Variants in BTBD3 observed in about 807,000 individuals in gnomAD.
The protein encoded by BTBD3 is BTB domain containing 3.
A neutral mutation model predicts 41.6 loss-of-function variants in BTBD3; 14 were observed. The ratio of observed to expected loss-of-function variants is 0.34; its 90% confidence interval spans 0.22 to 0.53. BTBD3 has a LOEUF of 0.53. Among genes scored for constraint, BTBD3 ranks in the 20% least tolerant of loss-of-function variants. The pLI is 0.95. For missense variants in BTBD3, 426 were observed against 654.7 expected (o/e 0.65, Z 3.81); for synonymous variants, 249 against 233.7 (o/e 1.07, Z -0.60).
intron 1 of BTBD3, among the ~76,000 whole-genome samples, chr20:11,904,285 C>T (rs570923214): frequency 8.5e-5 from 13 of 152,196 alleles, no homozygotes; most frequent in African/African-American, 2.2e-4. Context: ...CATCTTCACG[C>T]GCTGGCAGGA....
At chr20:11,902,139 A>G (rs1334672027) in intron 1 of BTBD3, among the ~76,000 whole-genome samples, 2 of 152,014 alleles carry the variant, frequency 1.3e-5, no homozygotes, top group Non-Finnish European at 2.9e-5. Context: ...CAGAAGCTTT[A>G]TTGAGAACAT....
rs1033805086 is a variant in BTBD3, at chr20:11,924,555, A to C, written c.*889A>C. On this transcript the variant is annotated 3_prime_UTR_variant, in exon 4 of 4. Coordinates refer to ENST00000378226, the MANE Select transcript of BTBD3 (RefSeq NM_014962.4). The stretch of plus-strand genomic sequence containing the variant: ...AACTCTTCTCTCCACTTAGCTTTTG[A>C]TCCCCACTGTTTGCTTATTTGTATA... The C allele has an allele frequency of 6.6e-6, 1 of 152,618 alleles. No homozygotes were observed. Among genetic ancestry groups the C allele is most frequent in the Non-Finnish European group, 1.5e-5 (1 of 68,024 alleles). 9.5% of individuals were successfully genotyped at this position (152,618 alleles called of 1,614,324 possible).
rs2056993153 is a variant in BTBD3 at position 11,923,773 on chromosome 20, T to C, written c.*107T>C. ...TGTGATCAGTGCCGGTAATTTGTAATGAATGAAGCGGTAGGCAGGTTCTAA... is the reference window on the plus strand; with the variant it reads ...TGTGATCAGTGCCGGTAATTTGTAACGAATGAAGCGGTAGGCAGGTTCTAA... On this transcript the variant is annotated 3_prime_UTR_variant, in exon 4 of 4. Coordinates refer to ENST00000378226, the MANE Select transcript of BTBD3 (RefSeq NM_014962.4). This position sits in a 1 kb window ranked among gnomAD's most constrained non-coding sequence, Gnocchi z 5.3. The C allele has an allele frequency of 4.5e-6, 5 of 1,113,676 alleles. No individual in the cohort carries two copies. Among genetic ancestry groups the C allele is most frequent in the Middle Eastern group, 3.0e-4 (1 of 3,316 alleles). The allele number at this position is 1,113,676 out of a possible 1,614,324, so 69.0% of individuals were successfully genotyped here.
intron 1 of BTBD3, among the ~76,000 whole-genome samples, chr20:11,901,606 C>T (rs570164017): frequency 2.0e-5 from 3 of 152,240 alleles, no homozygotes; most frequent in Admixed American, 1.3e-4. Flanking sequence ...GGGATCAGCT[C>T]ACGCGTACTT....
At chr20:11,892,689 TAACA>T (rs1163410755) in intron 1 of BTBD3, 5 of 152,238 alleles carry the variant, frequency 3.3e-5, no homozygotes, top group African/African-American at 4.8e-5. Context: ...ATAACTTGTT[TAACA>T]AACTTCCAAA....
intron 1 of BTBD3, among the ~76,000 whole-genome samples, chr20:11,904,929 G>T (rs1470467350): frequency 6.6e-6 from 1 of 152,176 alleles, no homozygotes; most frequent in Admixed American, 6.5e-5. Flanking sequence ...TTTTACCAAT[G>T]CATGATTTTG....
At chr20:11,902,296 T>TC in intron 1 of BTBD3, among the ~76,000 whole-genome samples, 1 of 152,178 alleles carries the variant, frequency 6.6e-6, no homozygotes, top group Admixed American at 6.5e-5. Context: ...ATATTGTAAG[T>TC]TTACATCATC....
At chr20:11,896,329 G>A (rs970578752) in intron 1 of BTBD3, among the ~76,000 whole-genome samples, 1 of 152,112 alleles carries the variant, frequency 6.6e-6, no homozygotes, top group Non-Finnish European at 1.5e-5. Flanking sequence ...GTTGATTTTG[G>A]TGTATTTATT....
intron 1 of BTBD3, among the ~76,000 whole-genome samples, chr20:11,894,542 C>T (rs1344540220): frequency 1.3e-5 from 2 of 151,602 alleles, no homozygotes; most frequent in Admixed American, 1.3e-4. Flanking sequence ...TTTGGGAGCT[C>T]TCTCTTCTGG....
intron 3 of BTBD3, 91 bp from the exon 4 acceptor site, chr20:11,922,543 C>A: frequency 8.6e-7 from 1 of 1,162,248 alleles, no homozygotes; most frequent in Non-Finnish European, 1.2e-6. Context: ...AGATGATGTT[C>A]TCAGAACAAA....
In BTBD3 at chr20:11,918,609, C is replaced by T; in HGVS notation, c.326+8C>T. 4 of 1,565,220 alleles carry T rather than the reference C, an allele frequency of 2.6e-6. No individual in the cohort carries two copies. The highest frequency in any genetic ancestry group is 4.5e-5 in the East Asian group (2 of 44,556). On this transcript the variant is annotated splice_region_variant and intron_variant, in intron 1 of 3. Transcript: ENST00000378226. ...TCCCACCATTAGAGAGAGGTAAGTG[C>T]CGCGCTAGTCTATTTACTTTAAAAG...
chr20:11,894,910 T>C (rs2056777528), intron 1 of BTBD3, among the ~76,000 whole-genome samples: 1 of 152,190 alleles, frequency 6.6e-6, no homozygotes, highest in East Asian at 1.9e-4. Context: ...TTTTAGACTT[T>C]AAAGCTGTAT....
At chr20:11,916,278 C>G (rs2056917284), upstream of BTBD3, among the ~76,000 whole-genome samples, 1 of 152,194 alleles carries the variant, frequency 6.6e-6, no homozygotes, top group Admixed American at 6.6e-5. Flanking sequence ...TTAGTGTTAA[C>G]CCTATTCTGA....
chr20:11,899,048 T>C (rs959425472), intron 1 of BTBD3, among the ~76,000 whole-genome samples: 1 of 152,216 alleles, frequency 6.6e-6, no homozygotes, highest in Non-Finnish European at 1.5e-5. Flanking sequence ...ATACTGTTAC[T>C]ATATTTTGTT....
Position 11,923,816 on chromosome 20 carries a change from A to T in BTBD3, c.*150A>T. On this transcript the variant is annotated 3_prime_UTR_variant, in exon 4 of 4. Transcript: ENST00000378226. The surrounding 1 kb of genome is among the most constrained non-coding windows in gnomAD (Gnocchi z 5.3). Reference sequence around the variant, plus strand: ...GGTTCTAATTTCTTTTAACCTTTTAATTATGTACAGGCAAAAATGCAGCAT... The same window carrying T: ...GGTTCTAATTTCTTTTAACCTTTTATTTATGTACAGGCAAAAATGCAGCAT... The T allele has an allele frequency of 1.3e-6, 1 of 748,160 alleles. No homozygotes were observed. Among genetic ancestry groups the T allele is most frequent in the Non-Finnish European group, 2.1e-6 (1 of 475,338 alleles). The allele number at this position is 748,160 out of a possible 1,614,324, so 46.3% of individuals were successfully genotyped here.
chr20:11,924,593 T>C lies in BTBD3; in HGVS notation c.*927T>C, dbSNP rs1460787955. 1 of 152,680 alleles carries C rather than the reference T, an allele frequency of 6.5e-6. No individual in the cohort carries two copies. The highest frequency in any genetic ancestry group is 2.4e-5 in the African/African-American group (1 of 41,462). 9.5% of individuals were successfully genotyped at this position (152,680 alleles called of 1,614,324 possible). ...GCTTATTTGTATAAGTCATACTGTG[T>C]AGAATTTCTATTTTCTTTTTCCCCA... On this transcript the variant is annotated 3_prime_UTR_variant, in exon 4 of 4. Coordinates refer to ENST00000378226, the MANE Select transcript of BTBD3 (RefSeq NM_014962.4).
chr20:11,917,883 C>T (rs144861560), upstream of BTBD3: 30 of 1,000,700 alleles, frequency 3.0e-5, no homozygotes, highest in East Asian at 1.5e-3. Context: ...TACTCTCCTC[C>T]GATCCATTCA....
chr20:11,898,002 A>G (rs1376536163), intron 1 of BTBD3, among the ~76,000 whole-genome samples: 5 of 152,098 alleles, frequency 3.3e-5, no homozygotes, highest in African/African-American at 4.8e-5. Flanking sequence ...TACTAAAAAT[A>G]CAAAAATTAG....
intron 3 of BTBD3, among the ~76,000 whole-genome samples, chr20:11,922,112 T>C (rs1360844039): frequency 1.3e-5 from 2 of 152,222 alleles, no homozygotes; most frequent in African/African-American, 2.4e-5. Context: ...TAAAGTTAAC[T>C]GGACGATAGC....
Sources: allele counts gnomAD v4.1 joint callset (sites outside exome capture counted in the v4.1 genomes callset), GRCh38; gene constraint gnomAD v4.1.1; non-coding constraint Gnocchi (gnomAD v3.1); transcripts MANE v1.5; gene names NCBI Gene and HGNC (gene_info 2026-07-23, HGNC 2026-07-21).